The following ANKRD13B variants were observed in gnomAD, a reference collection of about 807,000 sequenced individuals.
ANKRD13B encodes ankyrin repeat domain 13B.
ANKRD13B carries 33 observed loss-of-function variants against 74.4 expected under a neutral mutation model. That is an observed-to-expected ratio of 0.44 (90% CI 0.34 to 0.59). The LOEUF (loss-of-function observed/expected upper bound fraction) is 0.59. Among genes scored for constraint, ANKRD13B ranks in the 20% least tolerant of loss-of-function variants. The pLI is 0.02. For missense variants in ANKRD13B, 676 were observed against 877.9 expected, an observed-to-expected ratio of 0.77 and a Z score of 2.91; for synonymous variants, 341 against 362.9, an observed-to-expected ratio of 0.94 and a Z score of 0.68.
Position 29,612,546 on chromosome 17 carries a change from G to T in ANKRD13B, c.1403G>T (p.Ser468Ile). The change falls in exon 12 of 15, where the codon AGC (serine) becomes ATC (isoleucine). Residue 468 changes from serine to isoleucine, a missense_variant. This residue lies in a region of ANKRD13B where 152 missense variants were observed against 181.4 expected (regional missense o/e 0.84). Transcript: ENST00000394859. The surrounding 1 kb of genome is among the most constrained non-coding windows in gnomAD (Gnocchi z 6.1). ...GSDSSSVSSS[S>I]STTSCRGCEI... is the part of the protein sequence containing the mutation. Reference sequence around the variant, plus strand: ...GACTCCTCCAGCGTCAGCAGCTCCAGCTCCACGAGTGAGGCCCCCCGCGAG... The same window carrying T: ...GACTCCTCCAGCGTCAGCAGCTCCATCTCCACGAGTGAGGCCCCCCGCGAG... 2 of 1,473,520 alleles carry T rather than the reference G, an allele frequency of 1.4e-6. No homozygotes were observed. Among genetic ancestry groups the T allele is most frequent in the Non-Finnish European group, 9.1e-7 (1 of 1,101,200 alleles). The allele number at this position is 1,473,520 out of a possible 1,614,324, so 91.3% of individuals were successfully genotyped here.
chr17:29,601,174 T>C (rs2034162042), intron 1 of ANKRD13B, among the ~76,000 whole-genome samples: 1 of 151,718 alleles, frequency 6.6e-6, no homozygotes, highest in Admixed American at 6.6e-5. Context: ...TCTGCCCACC[T>C]CGGCCTCCCA....
intron 14 of ANKRD13B, 43 bp downstream of exon 14, chr17:29,613,006 C>T (rs1349218656): frequency 1.3e-6 from 2 of 1,574,802 alleles, no homozygotes; most frequent in South Asian, 1.1e-5. Flanking sequence ...GGAGAGGATC[C>T]TGTCTCCCCT....
chr17:29,601,075 C>T (rs952925832), intron 1 of ANKRD13B, among the ~76,000 whole-genome samples: 1 of 151,742 alleles, frequency 6.6e-6, no homozygotes, highest in Non-Finnish European at 1.5e-5. Context: ...AGGCATGCAC[C>T]ACCACGCCTG....
chr17:29,613,014 C>T (rs1327300325), intron 14 of ANKRD13B, 51 bp downstream of exon 14: 5 of 1,566,386 alleles, frequency 3.2e-6, no homozygotes, highest in South Asian at 2.3e-5. Flanking sequence ...TCCTGTCTCC[C>T]CTAAGCCAGG....
chr17:29,601,490 G>A (rs925718897), intron 1 of ANKRD13B, among the ~76,000 whole-genome samples: 1 of 151,752 alleles, frequency 6.6e-6, no homozygotes, highest in African/African-American at 2.4e-5. Context: ...CCAAAGTGCT[G>A]GGATTACAGG....
chr17:29,593,960 C>T, intron 1 of ANKRD13B: 1 of 260,552 alleles, frequency 3.8e-6, no homozygotes, highest in South Asian at 1.7e-4. Flanking sequence ...GAGTAGAGGC[C>T]TCTGTGCCCC....
intron 1 of ANKRD13B, among the ~76,000 whole-genome samples, chr17:29,606,831 C>T (rs1487101892): frequency 6.6e-6 from 1 of 151,124 alleles, no homozygotes; most frequent in Non-Finnish European, 1.5e-5. Context: ...GGTGGATCAC[C>T]TGAGGTCAGG....
chr17:29,602,719 T>C (rs140528270), intron 1 of ANKRD13B, among the ~76,000 whole-genome samples: 1 of 152,288 alleles, frequency 6.6e-6, no homozygotes, highest in Non-Finnish European at 1.5e-5. Context: ...TTTTTTGAAA[T>C]AAGGTCTCAT....
In ANKRD13B at chr17:29,608,283, A is replaced by G; in HGVS notation, c.421+43A>G. ...GGTCGCTTCTGGGCTCTCCCACTTT[A>G]GGTCCTGCGCTTGCTCCCCTGCCTG... is the stretch of plus-strand genomic sequence containing the variant. On this transcript the variant is annotated intron_variant, in intron 4 of 14. Coordinates refer to ENST00000394859, the MANE Select transcript of ANKRD13B (RefSeq NM_152345.5). The surrounding 1 kb of genome is among the most constrained non-coding windows in gnomAD (Gnocchi z 6.4). 1.2e-6 allele frequency: 2 copies of G among 1,612,638 alleles called. No individual in the cohort carries two copies. The highest frequency in any genetic ancestry group is 1.1e-5 in the South Asian group (1 of 90,930).
chr17:29,594,939 C>T (rs1347197654), intron 1 of ANKRD13B, among the ~76,000 whole-genome samples: 1 of 152,226 alleles, frequency 6.6e-6, no homozygotes, highest in African/African-American at 2.4e-5. Context: ...GCTGAGCCAG[C>T]CCCCAGGCCT....
At chr17:29,600,056 T>C (rs530110300) in intron 1 of ANKRD13B, among the ~76,000 whole-genome samples, 8 of 152,096 alleles carry the variant, frequency 5.3e-5, no homozygotes, top group African/African-American at 1.9e-4. Context: ...TTTTGTATTT[T>C]TAGTAGAGAC....
At position 29,613,902 on chromosome 17, in the gene ANKRD13B, C is replaced by T; in HGVS notation, c.*320C>T. 2.9e-6 allele frequency: 1 copy of T among 348,934 alleles called. No homozygotes were observed. Among genetic ancestry groups the T allele is most frequent in the Non-Finnish European group, 5.2e-6 (1 of 192,358 alleles). 21.6% of individuals were successfully genotyped at this position (348,934 alleles called of 1,614,324 possible). The stretch of plus-strand genomic sequence containing the variant: ...GGCGGTCCTGAGGGGGAGATGAATC[C>T]TTAGAGGAGCGCTGTCCCTATCCCT... On this transcript the variant is annotated 3_prime_UTR_variant, in exon 15 of 15. Coordinates refer to ENST00000394859, the MANE Select transcript of ANKRD13B (RefSeq NM_152345.5).
chr17:29,601,041 C>A (rs1323745981), intron 1 of ANKRD13B, among the ~76,000 whole-genome samples: 1 of 151,076 alleles, frequency 6.6e-6, no homozygotes, highest in Non-Finnish European at 1.5e-5. Flanking sequence ...CCTCCCACCT[C>A]AGCCTCCCAG....
At position 29,593,435 on chromosome 17, in the gene ANKRD13B, G is replaced by C. The variant is rs1256261495; in HGVS notation, c.-187G>C. ...CCCGCCGCCGCCGCCTCGCGAGGACGCCCGTCGCCCGCGCCGCCCGCACCG... is the reference window on the plus strand; with the variant it reads ...CCCGCCGCCGCCGCCTCGCGAGGACCCCCGTCGCCCGCGCCGCCCGCACCG... On this transcript the variant is annotated 5_prime_UTR_variant, in exon 1 of 15. Transcript: ENST00000394859. 6.8e-6 allele frequency: 1 copy of C among 146,554 alleles called. No homozygotes were observed. The highest frequency in any genetic ancestry group is 2.5e-5 in the African/African-American group (1 of 40,514). The allele number at this position is 146,554 out of a possible 1,614,324, so 9.1% of individuals were successfully genotyped here. A position where few individuals can be genotyped will look rare whatever the true frequency, so the allele number is the denominator to read the frequency against.
At chr17:29,603,640 A>G (rs999346938) in intron 1 of ANKRD13B, among the ~76,000 whole-genome samples, 2 of 152,286 alleles carry the variant, frequency 1.3e-5, no homozygotes, top group African/African-American at 4.8e-5. Context: ...TAAATTGTGC[A>G]GTGTCTAATC....
At chr17:29,595,281 G>A (rs1479952452) in intron 1 of ANKRD13B, among the ~76,000 whole-genome samples, 2 of 152,232 alleles carry the variant, frequency 1.3e-5, no homozygotes, top group African/African-American at 4.8e-5. Flanking sequence ...TGTGCAAAGC[G>A]CTAAGACATG....
intron 1 of ANKRD13B, among the ~76,000 whole-genome samples, chr17:29,597,751 A>G (rs2034003657): frequency 6.6e-6 from 1 of 151,944 alleles, no homozygotes; most frequent in African/African-American, 2.4e-5. Context: ...GCTGCTCTGG[A>G]GCTTGGCTGA....
In ANKRD13B at chr17:29,593,749, C is replaced by A; in HGVS notation, c.114+14C>A. 1 of 1,363,736 alleles carries A rather than the reference C, an allele frequency of 7.3e-7. No homozygotes were observed. The highest frequency in any genetic ancestry group is 9.5e-7 in the Non-Finnish European group (1 of 1,048,848). The allele number at this position is 1,363,736 out of a possible 1,614,324, so 84.5% of individuals were successfully genotyped here. A position where few individuals can be genotyped will look rare whatever the true frequency, so the allele number is the denominator to read the frequency against. On this transcript the variant is annotated intron_variant, in intron 1 of 14. Coordinates refer to ENST00000394859, the MANE Select transcript of ANKRD13B (RefSeq NM_152345.5). ...CGCGCGGGCCAGGTAGGAGCGCCTTCGGGGCGCCGCGGGGACCCCGCGGCC... is the reference window on the plus strand; with the variant it reads ...CGCGCGGGCCAGGTAGGAGCGCCTTAGGGGCGCCGCGGGGACCCCGCGGCC...
Position 29,607,800 on chromosome 17 carries a change from TG to T in ANKRD13B, c.177del (p.His60ThrfsTer30). 1 of 1,603,858 alleles carries T rather than the reference TG, an allele frequency of 6.2e-7. No homozygotes were observed. The stretch of plus-strand genomic sequence containing the variant: ...ACTCCCCTGCACCTGGCCACCACGC[TG>T]GGGCACCTTGAGTGTGCCCGTGTGC... Reference protein sequence around the residue: ...GRTPLHLATTLGHLECARVLL... With the variant: ...GRTPLHLATTXGHLECARVLL... On this transcript the variant is annotated frameshift_variant, in exon 2 of 15. Transcript: ENST00000394859. LOFTEE classifies it high-confidence loss of function.
Sources: gnomAD v4.1 joint callset for allele counts (sites outside exome capture counted in the v4.1 genomes callset) on GRCh38, gnomAD v4.1.1 for gene constraint, gnomAD v4.1.1 regional missense constraint, Gnocchi (gnomAD v3.1) non-coding constraint, MANE v1.5 for transcripts, NCBI Gene and HGNC (gene_info 2026-07-23, HGNC 2026-07-21) for gene names.